The following UNC13C variants were observed in gnomAD, a reference collection of about 807,000 sequenced individuals.
UNC13C encodes the protein protein unc-13 homolog C.
A neutral mutation model predicts 245.4 loss-of-function variants in UNC13C; 174 were observed. The ratio of observed to expected loss-of-function variants is 0.71; its 90% CI spans 0.63 to 0.80. The LOEUF is 0.80. Ranked by LOEUF, UNC13C falls within the 30% of genes least tolerant of loss-of-function variation. The pLI, the probability that UNC13C is intolerant of heterozygous loss-of-function variation, is 0.00. For synonymous variants in UNC13C, 992 were observed against 895.1 expected (o/e 1.11, Z -1.93); for missense variants, 2,829 against 2,602.9 (o/e 1.09, Z -1.89).
intron 4 of UNC13C, among the ~76,000 whole-genome samples, chr15:54,193,567 A>G (rs1203774289): frequency 6.6e-6 from 1 of 152,038 alleles, no homozygotes; most frequent in Non-Finnish European, 1.5e-5. Context: ...GGTCCCACCT[A>G]CCAAAAAGTC....
chr15:54,629,815 A>C (rs1048402837), downstream of UNC13C: 1 of 152,218 alleles, frequency 6.6e-6, no homozygotes, highest in Non-Finnish European at 1.5e-5. Flanking sequence ...GTTTAATTGC[A>C]TCCAATTATT....
At chr15:54,133,007 G>A (rs1342439577) in intron 2 of UNC13C, among the ~76,000 whole-genome samples, 1 of 152,154 alleles carries the variant, frequency 6.6e-6, no homozygotes, top group African/African-American at 2.4e-5. Flanking sequence ...TATCTTAGAA[G>A]ATTGTAAATT....
At chr15:53,951,522 A>G in the UNC13C span, among the ~76,000 whole-genome samples, 1 of 152,186 alleles carries the variant, frequency 6.6e-6, no homozygotes, top group East Asian at 1.9e-4. Flanking sequence ...GTAAACGGTA[A>G]ATCACATGGC....
intron 4 of UNC13C, among the ~76,000 whole-genome samples, chr15:54,162,874 A>C (rs1282209396): frequency 6.6e-6 from 1 of 152,220 alleles, no homozygotes; most frequent in Non-Finnish European, 1.5e-5. Context: ...AAATCAAGAG[A>C]TAAACAGATA....
intron 19 of UNC13C, among the ~76,000 whole-genome samples, chr15:54,475,195 A>T (rs1205458028): frequency 1.3e-5 from 2 of 151,432 alleles, no homozygotes; most frequent in Non-Finnish European, 2.9e-5. Flanking sequence ...TGAAGTGTTC[A>T]CCCTGTTTTT....
At chr15:54,373,155 G>C (rs1364071410) in intron 17 of UNC13C, among the ~76,000 whole-genome samples, 2 of 152,116 alleles carry the variant, frequency 1.3e-5, no homozygotes, top group Non-Finnish European at 2.9e-5. Context: ...AGCAACCTTG[G>C]GTGAGTCAGC....
chr15:53,945,684 A>G, the UNC13C span, among the ~76,000 whole-genome samples: 17 of 151,322 alleles, frequency 1.1e-4, no homozygotes, highest in African/African-American at 4.1e-4. Flanking sequence ...GCGTGATGCC[A>G]CCAGCTTTGG....
the UNC13C span, among the ~76,000 whole-genome samples, chr15:53,963,860 A>G: frequency 6.6e-6 from 1 of 152,176 alleles, no homozygotes; most frequent in Admixed American, 6.5e-5. Flanking sequence ...GCACATGGAA[A>G]TGGAAATAAA....
intron 2 of UNC13C, among the ~76,000 whole-genome samples, chr15:54,134,042 TGA>T (rs1391898054): frequency 9.7e-6 from 1 of 102,650 alleles, no homozygotes; most frequent in Non-Finnish European, 2.0e-5. Flanking sequence ...ATCACTATAC[TGA>T]GTTACGTGTG....
At chr15:54,531,573 G>C (rs1221082157) in intron 25 of UNC13C, among the ~76,000 whole-genome samples, 1 of 151,916 alleles carries the variant, frequency 6.6e-6, no homozygotes. Context: ...TGAGGTCAGA[G>C]GAAAGCCGAG....
At position 54,014,726 on chromosome 15, in the gene UNC13C, G is replaced by A. The variant is rs777092375; in HGVS notation, c.1823G>A (p.Gly608Glu). The change falls in exon 2 of 33, where the codon GGA becomes GAA. Residue 608 changes from glycine (G) to glutamate (E), a missense_variant. Gly to Glu is a moderately conservative substitution (Grantham distance 98). Coordinates refer to ENST00000260323, the MANE Select transcript of UNC13C (RefSeq NM_001080534.3). ...AGTCCCAAGGACCAGCATTTGAATG[G>A]AGGTGTTCAGGGTATCCAAGGGCAG... is the stretch of plus-strand genomic sequence containing the variant. The part of the protein sequence containing the change: ...YDSPKDQHLN[G>E]GVQGIQGQTE... The A allele has an allele frequency of 1.9e-6, 3 of 1,613,750 alleles. No individual in the cohort carries two copies. The highest frequency in any genetic ancestry group is 2.5e-6 in the Non-Finnish European group (3 of 1,179,842).
the UNC13C span, among the ~76,000 whole-genome samples, chr15:53,905,378 C>A: frequency 7.2e-6 from 1 of 139,794 alleles, no homozygotes; most frequent in Non-Finnish European, 1.5e-5. Flanking sequence ...ATATATATTA[C>A]ATTTATATTA....
intron 10 of UNC13C, among the ~76,000 whole-genome samples, chr15:54,277,906 G>A (rs2036875592): frequency 6.6e-6 from 1 of 152,132 alleles, no homozygotes; most frequent in African/African-American, 2.4e-5. Flanking sequence ...TGATGAACTG[G>A]CACTCCAGGC....
At chr15:54,426,978 C>A (rs756968339) in intron 19 of UNC13C, among the ~76,000 whole-genome samples, 1 of 151,720 alleles carries the variant, frequency 6.6e-6, no homozygotes, top group Non-Finnish European at 1.5e-5. Flanking sequence ...CTGAGTTAAC[C>A]ATTCAGCTAG....
intron 4 of UNC13C, among the ~76,000 whole-genome samples, chr15:54,154,624 C>G (rs1396469436): frequency 6.6e-6 from 1 of 152,116 alleles, no homozygotes; most frequent in East Asian, 1.9e-4. Context: ...CCCCTTATTT[C>G]TCAGAATTTA....
Position 54,186,109 on chromosome 15 carries a change from C to T in UNC13C, c.3071+42425C>T, listed in dbSNP as rs1182089994. 6.6e-5 allele frequency among the ~76,000 whole-genome samples: 10 copies of T among 151,644 alleles called. No homozygotes were observed. The East Asian group carries it at 1.2e-3, about 18-fold the overall frequency. On this transcript the variant is annotated intron_variant, in intron 4 of 32. Transcript: ENST00000260323. ...TGTATAAGAATGCTTGTGATTTTTG[C>T]ACATTGATTTTGTATCCTGAGACTT... is the stretch of plus-strand genomic sequence containing the variant.
chr15:53,984,291 A>T (rs1894039982), intron 1 of UNC13C, among the ~76,000 whole-genome samples: 1 of 152,094 alleles, frequency 6.6e-6, no homozygotes, highest in Non-Finnish European at 1.5e-5. Flanking sequence ...AATTAGACAG[A>T]TTATGCACAG....
chr15:54,394,918 A>T (rs2040038987), intron 18 of UNC13C, among the ~76,000 whole-genome samples: 1 of 151,930 alleles, frequency 6.6e-6, no homozygotes, highest in African/African-American at 2.4e-5. Context: ...TATGGCAAAA[A>T]TAGATTTAAA....
chr15:54,320,060 A>C (rs139736280), intron 13 of UNC13C, among the ~76,000 whole-genome samples: 1 of 152,116 alleles, frequency 6.6e-6, no homozygotes, highest in East Asian at 1.9e-4. Context: ...TGCTTAGAAA[A>C]GAGAATTGCT....
Sources: allele counts gnomAD v4.1 joint callset (sites outside exome capture counted in the v4.1 genomes callset), GRCh38; gene constraint gnomAD v4.1.1; transcripts MANE v1.5; gene names NCBI Gene and HGNC (gene_info 2026-07-23, HGNC 2026-07-21).